Variants in ABCC5 observed in about 807,000 individuals in gnomAD.
ABCC5 encodes the protein ATP binding cassette subfamily C member 5.
ABCC5 carries 61 observed loss-of-function variants against 160.9 expected under a neutral mutation model. The observed-to-expected ratio is 0.38, with a 90% CI of 0.31 to 0.47. ABCC5 has a LOEUF of 0.47. Ranked by LOEUF, ABCC5 falls within the 20% of genes least tolerant of loss-of-function variation. The pLI is 0.99. For synonymous variants in ABCC5, 666 were observed against 700.6 expected (o/e 0.95, Z 0.78); for missense variants, 1,308 against 1,813.3 (o/e 0.72, Z 5.06).
At chr3:183,971,426 G>C in intron 11 of ABCC5, 137 bp downstream of exon 11, 1 of 700,660 alleles carries the variant, frequency 1.4e-6, no homozygotes, top group Non-Finnish European at 2.4e-6. Context: ...AGTTAGAGCT[G>C]GTCTAATTTG....
chr3:184,009,762 A>C (rs1721545034), intron 2 of ABCC5: 1 of 209,232 alleles, frequency 4.8e-6, no homozygotes, highest in Admixed American at 5.2e-5. Context: ...GTCTAGACTA[A>C]GTAACAGAAA....
At position 183,937,910 on chromosome 3, in the gene ABCC5, C is replaced by T; in HGVS notation, c.3845G>A (p.Gly1282Asp). The part of the protein sequence containing the change: ...IIPQEPVLFS[G>D]TVRSNLDPFN... ...GTGCTCAGGTCCTCACCTGACAGTG[C>T]CACTGAACAGCACCGGCTCTTGAGG... Residue 1282 changes from glycine (G) to aspartate (D), a missense_variant, in exon 26 of 30, where the codon GGC becomes GAC. By Grantham distance (94) the Gly-to-Asp change is moderately conservative. Transcript: ENST00000334444. The T allele has an allele frequency of 1.9e-6, 3 of 1,614,020 alleles. No homozygotes were observed. Among genetic ancestry groups the T allele is most frequent in the Non-Finnish European group, 2.5e-6 (3 of 1,179,946 alleles).
chr3:184,016,432 T>C (rs982326503), intron 1 of ABCC5, among the ~76,000 whole-genome samples: 4 of 152,008 alleles, frequency 2.6e-5, no homozygotes, highest in African/African-American at 9.7e-5. Flanking sequence ...ATCTGGAACA[T>C]AAAAGAGGGC....
At chr3:184,007,078 T>C (rs1274263190) in intron 2 of ABCC5, among the ~76,000 whole-genome samples, 2 of 137,526 alleles carry the variant, frequency 1.5e-5, no homozygotes, top group Non-Finnish European at 3.0e-5. Flanking sequence ...TGGAGTGCAG[T>C]GGTGCGATCT....
intron 5 of ABCC5, chr3:183,985,316 C>T (rs1330707641): frequency 3.1e-6 from 5 of 1,613,874 alleles, no homozygotes; most frequent in Admixed American, 1.7e-5. Flanking sequence ...GAACTCTTGG[C>T]GAGAGATTCT....
At chr3:184,012,872 C>T (rs553640468) in intron 2 of ABCC5, among the ~76,000 whole-genome samples, 91 of 152,230 alleles carry the variant, frequency 6.0e-4, no homozygotes, top group African/African-American at 2.1e-3. Context: ...AGAAAATGTT[C>T]ATTAATAAAG....
In ABCC5 at chr3:183,989,288, C is replaced by G; in HGVS notation, c.225G>C (p.Glu75Asp). The G allele has an allele frequency of 6.2e-7, 1 of 1,613,882 alleles. No homozygotes were observed. The highest frequency in any genetic ancestry group is 1.1e-5 in the South Asian group (1 of 91,086). Residue 75 changes from glutamate to aspartate, a missense_variant, in exon 3 of 30, where the codon GAG becomes GAC. Transcript: ENST00000334444. ...CATGATGGTACTTTCCCTTGGGATG[C>G]TCCTCATCCAGGATTCTGAGCTGAG... ...MHSQLRILDE[E>D]HPKGKYHHGL...
chr3:183,946,683 A>T (rs946008229), intron 23 of ABCC5, among the ~76,000 whole-genome samples: 3 of 152,030 alleles, frequency 2.0e-5, no homozygotes, highest in Non-Finnish European at 4.4e-5. Flanking sequence ...TATTATTTGG[A>T]AGCAAATCGC....
chr3:183,937,833 C>A, intron 26 of ABCC5, 68 bp downstream of exon 26: 1 of 1,558,750 alleles, frequency 6.4e-7, no homozygotes. Context: ...GTGCTAGCAT[C>A]ATGTGGTCCC....
At chr3:184,014,890 CA>C (rs1435414874) in intron 1 of ABCC5, among the ~76,000 whole-genome samples, 1 of 151,888 alleles carries the variant, frequency 6.6e-6, no homozygotes, top group Non-Finnish European at 1.5e-5. Flanking sequence ...AAAAACTTAC[CA>C]AACACTTATT....
At chr3:183,971,112 C>T (rs1425057313) in intron 11 of ABCC5, among the ~76,000 whole-genome samples, 2 of 152,136 alleles carry the variant, frequency 1.3e-5, no homozygotes, top group East Asian at 1.9e-4. Flanking sequence ...CATCATCTAC[C>T]GTTAACGATC....
At chr3:183,961,695 C>T (rs1370092928) in intron 15 of ABCC5, 41 bp from the exon 16 acceptor site, 3 of 1,608,734 alleles carry the variant, frequency 1.9e-6, no homozygotes, top group Admixed American at 1.7e-5. Flanking sequence ...GCTGTTTGTG[C>T]AAATACATTC....
intron 27 of ABCC5, 141 bp from the exon 28 acceptor site, chr3:183,927,584 G>C: frequency 1.4e-6 from 2 of 1,430,878 alleles, no homozygotes; most frequent in South Asian, 2.7e-5. Flanking sequence ...TGAAGGTGCA[G>C]GTGTACTGAT....
At chr3:183,935,590 G>A (rs144968718) in intron 26 of ABCC5, among the ~76,000 whole-genome samples, 4,344 of 151,994 alleles carry the variant, frequency 0.029, 76 homozygotes, top group Non-Finnish European at 0.045. Context: ...TGCCACCTCC[G>A]CCTCCCAGGT....
At chr3:183,950,960 T>C (rs2108796336) in intron 20 of ABCC5, among the ~76,000 whole-genome samples, 2 of 152,342 alleles carry the variant, frequency 1.3e-5, no homozygotes, top group South Asian at 4.1e-4. Flanking sequence ...TTTCTCATTA[T>C]TCAAGGAGTG....
rs1560480154 is a variant in ABCC5, at chr3:183,942,720, T to A, written c.3694+7A>T. The A allele has an allele frequency of 3.1e-6, 5 of 1,612,788 alleles. No homozygotes were observed. Among genetic ancestry groups the A allele is most frequent in the Non-Finnish European group, 4.2e-6 (5 of 1,178,968 alleles). ...ATGGATTCAAAGAAGGCTTTGCACA[T>A]CCTTACCTGATCCTGTCCGCCCCAC... On this transcript the variant is annotated splice_region_variant and intron_variant, in intron 25 of 29. Transcript: ENST00000334444.
intron 26 of ABCC5, among the ~76,000 whole-genome samples, chr3:183,929,470 C>A (rs1712954264): frequency 6.6e-6 from 1 of 152,048 alleles, no homozygotes; most frequent in Non-Finnish European, 1.5e-5. Context: ...ATAAATCTCT[C>A]CATACGTACA....
At chr3:184,003,826 C>T (rs1454400995) in intron 2 of ABCC5, among the ~76,000 whole-genome samples, 1 of 152,118 alleles carries the variant, frequency 6.6e-6, no homozygotes, top group African/African-American at 2.4e-5. Context: ...TATGTTGGGT[C>T]TAAGATTAAC....
At chr3:183,934,003 T>C (rs777100226) in intron 26 of ABCC5, among the ~76,000 whole-genome samples, 7 of 152,120 alleles carry the variant, frequency 4.6e-5, no homozygotes, top group Admixed American at 1.3e-4. Flanking sequence ...TTCTATCTTC[T>C]AACTAAAGCA....
Sources: allele counts gnomAD v4.1 joint callset (sites outside exome capture counted in the v4.1 genomes callset), GRCh38; gene constraint gnomAD v4.1.1; transcripts MANE v1.5; gene names NCBI Gene and HGNC (gene_info 2026-07-23, HGNC 2026-07-21).